The following RAB38 variants were observed in gnomAD, a reference collection of about 807,000 sequenced individuals.
The protein encoded by RAB38 is ras-related protein Rab-38.
Under a neutral mutation model 18.4 loss-of-function variants are expected in RAB38, and 15 were observed. The ratio of observed to expected loss-of-function variants is 0.82; its 90% CI spans 0.55 to 1.26. The LOEUF is 1.26. Among genes scored for constraint, RAB38 ranks in the 50% most tolerant of loss-of-function variants. RAB38 has a pLI of 0.00. For missense variants in RAB38, 294 were observed against 267.4 expected (o/e 1.10, Z -0.69); for synonymous variants, 101 against 104.4 (o/e 0.97, Z 0.20).
chr11:87,907,973 T>A, the RAB38 span, among the ~76,000 whole-genome samples: 5 of 151,944 alleles, frequency 3.3e-5, no homozygotes, highest in South Asian at 1.0e-3. Flanking sequence ...GATGTCTGAT[T>A]TACTGATTCT....
the RAB38 span, among the ~76,000 whole-genome samples, chr11:87,834,378 G>A: frequency 7.2e-5 from 11 of 152,320 alleles, no homozygotes; most frequent in African/African-American, 2.2e-4. Flanking sequence ...TAGCAGAGTC[G>A]TGTTGTATCC....
At chr11:87,915,677 C>G in the RAB38 span, among the ~76,000 whole-genome samples, 5 of 152,270 alleles carry the variant, frequency 3.3e-5, no homozygotes, top group East Asian at 9.7e-4. Context: ...CAACCAGCGG[C>G]ATGCTTATGG....
chr11:87,869,489 T>C, the RAB38 span, among the ~76,000 whole-genome samples: 1 of 151,654 alleles, frequency 6.6e-6, no homozygotes, highest in African/African-American at 2.4e-5. Flanking sequence ...TGTAAACAGG[T>C]CTGCATTAAC....
intron 2 of RAB38, among the ~76,000 whole-genome samples, chr11:88,139,398 G>T (rs1470603652): frequency 2.0e-5 from 3 of 152,124 alleles, no homozygotes; most frequent in Non-Finnish European, 4.4e-5. Flanking sequence ...GGGGGTAACA[G>T]CTTTTTCTTC....
chr11:87,880,710 G>T, the RAB38 span, among the ~76,000 whole-genome samples: 300 of 151,866 alleles, frequency 2.0e-3, no homozygotes, highest in African/African-American at 6.7e-3. Flanking sequence ...TACCTTCCAA[G>T]ATAATAGTTC....
chr11:87,926,222 T>C, the RAB38 span, among the ~76,000 whole-genome samples: 1 of 152,032 alleles, frequency 6.6e-6, no homozygotes, highest in Non-Finnish European at 1.5e-5. Flanking sequence ...AGGTCCTTTT[T>C]GGCCTAGTTT....
chr11:87,951,655 AG>A, the RAB38 span, among the ~76,000 whole-genome samples: 1 of 152,148 alleles, frequency 6.6e-6, no homozygotes, highest in East Asian at 1.9e-4. Flanking sequence ...AGTTTGCTAG[AG>A]GTCCACTCCA....
At chr11:87,899,574 A>G in the RAB38 span, among the ~76,000 whole-genome samples, 1 of 151,620 alleles carries the variant, frequency 6.6e-6, no homozygotes, top group Admixed American at 6.6e-5. Flanking sequence ...AGTTGGGAAG[A>G]AAGTTTCTAG....
chr11:88,165,117 CT>C (rs767284528), intron 1 of RAB38, among the ~76,000 whole-genome samples: 75 of 152,162 alleles, frequency 4.9e-4, no homozygotes, highest in Non-Finnish European at 9.4e-4. Context: ...TAATAAATTA[CT>C]ATTTTAAAAT....
the RAB38 span, among the ~76,000 whole-genome samples, chr11:88,017,138 A>G: frequency 6.6e-6 from 1 of 152,084 alleles, no homozygotes; most frequent in Non-Finnish European, 1.5e-5. Context: ...CACTGCAAGC[A>G]GAGAGGATGA....
At chr11:88,029,889 T>C in the RAB38 span, among the ~76,000 whole-genome samples, 9 of 152,150 alleles carry the variant, frequency 5.9e-5, no homozygotes, top group Non-Finnish European at 1.2e-4. Context: ...CTAATAGACA[T>C]CTACAGAACT....
At chr11:87,853,778 A>G in the RAB38 span, among the ~76,000 whole-genome samples, 1 of 152,234 alleles carries the variant, frequency 6.6e-6, no homozygotes, top group Admixed American at 6.5e-5. Flanking sequence ...CATAAACTTA[A>G]TAGTTTTAAA....
chr11:87,948,383 T>C, the RAB38 span, among the ~76,000 whole-genome samples: 1 of 152,094 alleles, frequency 6.6e-6, no homozygotes, highest in Non-Finnish European at 1.5e-5. Flanking sequence ...TGAATACCCT[T>C]TATTTCCTTC....
the RAB38 span, among the ~76,000 whole-genome samples, chr11:87,882,282 A>C: frequency 6.6e-6 from 1 of 151,858 alleles, no homozygotes; most frequent in African/African-American, 2.4e-5. Context: ...GCAAATGTGA[A>C]TCTAGCATAT....
chr11:87,840,414 T>C, the RAB38 span, among the ~76,000 whole-genome samples: 85 of 152,320 alleles, frequency 5.6e-4, 1 homozygote, highest in South Asian at 3.7e-3. Context: ...AAGTTGGCGA[T>C]TGGATTTCGC....
chr11:87,957,777 T>C, the RAB38 span, among the ~76,000 whole-genome samples: 3 of 151,986 alleles, frequency 2.0e-5, no homozygotes, highest in Non-Finnish European at 4.4e-5. Context: ...TGACACATCT[T>C]GGGGGAGCGT....
chr11:87,943,182 C>T, the RAB38 span, among the ~76,000 whole-genome samples: 3 of 152,092 alleles, frequency 2.0e-5, no homozygotes, highest in Non-Finnish European at 4.4e-5. Flanking sequence ...TTGGAGATGT[C>T]TCTAAATTTA....
chr11:87,928,546 G>A, the RAB38 span, among the ~76,000 whole-genome samples: 8 of 151,430 alleles, frequency 5.3e-5, no homozygotes, highest in Non-Finnish European at 8.8e-5. Flanking sequence ...AACTGCCGAG[G>A]TTTTTTTTAA....
intron 1 of RAB38, 76 bp from the exon 2 acceptor site, chr11:88,150,031 C>T (rs1241091454): frequency 7.0e-7 from 1 of 1,435,220 alleles, no homozygotes; most frequent in African/African-American, 1.4e-5. Flanking sequence ...CATGAAGCCT[C>T]CAAGATGAGC....
Sources: gnomAD v4.1 joint callset for allele counts (sites outside exome capture counted in the v4.1 genomes callset) on GRCh38, gnomAD v4.1.1 for gene constraint, MANE v1.5 for transcripts, NCBI Gene and HGNC (gene_info 2026-07-23, HGNC 2026-07-21) for gene names.